ERBB4: variants seen among roughly 807,000 people sequenced by gnomAD.
ERBB4 encodes the protein receptor tyrosine-protein kinase erbB-4.
A neutral mutation model predicts 158.0 loss-of-function variants in ERBB4; 42 were observed. That is an observed-to-expected ratio of 0.27 (90% CI 0.21 to 0.34). The LOEUF is 0.34. Among genes scored for constraint, ERBB4 ranks in the 10% least tolerant of loss-of-function variants. The probability of loss-of-function intolerance (pLI) is 1.00; values close to 1 mark genes in which losing one functional copy is unlikely to be tolerated. For synonymous variants in ERBB4, 583 were observed against 558.7 expected (o/e 1.04, Z -0.61); for missense variants, 1,333 against 1,624.1 (o/e 0.82, Z 3.08).
At chr2:211,973,400 AC>A (rs2081512216) in intron 2 of ERBB4, among the ~76,000 whole-genome samples, 1 of 152,052 alleles carries the variant, frequency 6.6e-6, no homozygotes, top group African/African-American at 2.4e-5. Context: ...ACGGGGTTTC[AC>A]CATGTTAGTC....
intron 2 of ERBB4, among the ~76,000 whole-genome samples, chr2:212,046,765 T>C (rs2077271443): frequency 6.6e-6 from 1 of 152,212 alleles, no homozygotes; most frequent in African/African-American, 2.4e-5. Flanking sequence ...CCTAGTGATA[T>C]TTCATCCTAA....
chr2:211,433,974 A>C (rs547453701), intron 20 of ERBB4, among the ~76,000 whole-genome samples: 18 of 152,222 alleles, frequency 1.2e-4, no homozygotes, highest in African/African-American at 3.6e-4. Context: ...CTTCAACTAA[A>C]CTAGGCCAGA....
intron 20 of ERBB4, among the ~76,000 whole-genome samples, chr2:211,527,405 G>A (rs1393289524): frequency 1.3e-5 from 2 of 152,042 alleles, no homozygotes; most frequent in African/African-American, 4.8e-5. Flanking sequence ...AACAAAAGCT[G>A]AAAAGTGTTA....
At chr2:211,930,357 A>G (rs1411951306) in intron 3 of ERBB4, among the ~76,000 whole-genome samples, 3 of 152,206 alleles carry the variant, frequency 2.0e-5, no homozygotes, top group Non-Finnish European at 4.4e-5. Flanking sequence ...TAAGCTGTCA[A>G]TTACCTTATT....
intron 1 of ERBB4, among the ~76,000 whole-genome samples, chr2:212,520,892 G>GAATTTAA (rs3041561): frequency 0.21 from 32,202 of 151,560 alleles, 3,842 homozygotes; most frequent in African/African-American, 0.34. Context: ...ATAGCTCTGT[G>GAATTTAA]AAGTTTATGA....
At chr2:211,512,987 G>T (rs747067018) in intron 20 of ERBB4, among the ~76,000 whole-genome samples, 4 of 152,066 alleles carry the variant, frequency 2.6e-5, no homozygotes, top group Non-Finnish European at 4.4e-5. Context: ...TTCTGGGTCA[G>T]ACTGAAACAT....
At chr2:211,505,111 G>A (rs1317950461) in intron 20 of ERBB4, among the ~76,000 whole-genome samples, 1 of 151,978 alleles carries the variant, frequency 6.6e-6, no homozygotes, top group Non-Finnish European at 1.5e-5. Context: ...ACACCTGGAA[G>A]ATACTATATA....
chr2:211,674,740 A>C (rs2071986402), intron 13 of ERBB4, among the ~76,000 whole-genome samples: 1 of 152,194 alleles, frequency 6.6e-6, no homozygotes, highest in African/African-American at 2.4e-5. Flanking sequence ...AAAAATAATC[A>C]AAAGCATTGT....
intron 19 of ERBB4, among the ~76,000 whole-genome samples, chr2:211,576,152 A>C (rs776582954): frequency 2.3e-4 from 35 of 152,284 alleles, no homozygotes; most frequent in South Asian, 8.3e-4. Context: ...CTCAGGCAAA[A>C]GGGGTTATAA....
chr2:212,180,614 G>A (rs1446668543), intron 1 of ERBB4, among the ~76,000 whole-genome samples: 1 of 151,628 alleles, frequency 6.6e-6, no homozygotes, highest in South Asian at 2.1e-4. Context: ...TCGGGTATTT[G>A]CAATGGAAGA....
chr2:211,492,070 G>GAAAAAAAAAAAAAGAATTAATTAAGAA (rs35459917), intron 20 of ERBB4, among the ~76,000 whole-genome samples: 1 of 144,990 alleles, frequency 6.9e-6, no homozygotes. Context: ...CTCACCTTAA[G>GAAAAAAAAAAAAAGAATTAATTAAGAA]AAAAAAAAAA....
rs1338975229 is a variant in ERBB4, at chr2:212,245,520, T to C, written c.83-120617A>G. 2.6e-5 allele frequency among the ~76,000 whole-genome samples: 4 copies of C among 152,188 alleles called. No homozygotes were observed. The East Asian group carries it at 7.7e-4, about 29-fold the overall frequency. ...GTTATATCAGATATTGACGTTAATA[T>C]TATTCATATTGTCAGTGAAATCTTC... is the stretch of plus-strand genomic sequence containing the variant. On this transcript the variant is annotated intron_variant, in intron 1 of 27. Transcript: ENST00000342788.
At chr2:211,934,138 A>G (rs949653965) in intron 3 of ERBB4, among the ~76,000 whole-genome samples, 4 of 151,974 alleles carry the variant, frequency 2.6e-5, no homozygotes, top group Non-Finnish European at 5.9e-5. Flanking sequence ...TGAGTCTAAT[A>G]ATTATTAAAA....
chr2:212,424,128 C>T (rs1022010400), intron 1 of ERBB4, among the ~76,000 whole-genome samples: 6 of 151,982 alleles, frequency 3.9e-5, no homozygotes, highest in African/African-American at 1.5e-4. Flanking sequence ...GTGTCTGAGT[C>T]TCCTTGGGGC....
intron 17 of ERBB4, among the ~76,000 whole-genome samples, chr2:211,628,216 GTGCAGGTTA>G (rs2069939246): frequency 1.7e-5 from 1 of 58,558 alleles, no homozygotes; most frequent in Non-Finnish European, 7.1e-5. Context: ...TGTGCACAAC[GTGCAGGTTA>G]GTTACATATG....
chr2:212,043,187 G>A (rs1481525209), intron 2 of ERBB4, among the ~76,000 whole-genome samples: 1 of 152,142 alleles, frequency 6.6e-6, no homozygotes, highest in Non-Finnish European at 1.5e-5. Context: ...CTTTACTTAA[G>A]TGACAATTAG....
At chr2:211,432,636 C>T (rs2063768539) in intron 20 of ERBB4, among the ~76,000 whole-genome samples, 1 of 151,250 alleles carries the variant, frequency 6.6e-6, no homozygotes. Context: ...AAATGCATTG[C>T]CTTGGAGATA....
rs564075109 is a variant in ERBB4 at position 212,064,762 on chromosome 2, G to T, written c.234+59990C>A. Reference sequence around the variant, plus strand: ...CATAGGAAGGATTTGAGTACAAAGCGATTTGGTAGAGAAAGAAAAAGGAGA... The same window carrying T: ...CATAGGAAGGATTTGAGTACAAAGCTATTTGGTAGAGAAAGAAAAAGGAGA... On this transcript the variant is annotated intron_variant, in intron 2 of 27. Coordinates refer to ENST00000342788, the MANE Select transcript of ERBB4 (RefSeq NM_005235.3). 9.9e-5 allele frequency among the ~76,000 whole-genome samples: 15 copies of T among 152,038 alleles called. No individual in the cohort carries two copies. The East Asian group carries it at 2.5e-3, about 26-fold the overall frequency.
chr2:211,623,007 A>G (rs2069682909), intron 18 of ERBB4, among the ~76,000 whole-genome samples: 1 of 34,870 alleles, frequency 2.9e-5, no homozygotes, highest in Non-Finnish European at 5.3e-5. Flanking sequence ...ATATATATAT[A>G]TATATATATA....
Sources: gnomAD v4.1 joint callset for allele counts (sites outside exome capture counted in the v4.1 genomes callset) on GRCh38, gnomAD v4.1.1 for gene constraint, MANE v1.5 for transcripts, NCBI Gene and HGNC (gene_info 2026-07-23, HGNC 2026-07-21) for gene names.